The following RSPH10B2 variants were observed in gnomAD, a reference collection of about 807,000 sequenced individuals.
The protein encoded by RSPH10B2 is radial spoke head 10 homolog B2 (Chlamydomonas).
A neutral mutation model predicts 49.0 loss-of-function variants in RSPH10B2; 9 were observed. That is an observed-to-expected ratio of 0.18 (90% confidence interval 0.11 to 0.32). The LOEUF (loss-of-function observed/expected upper bound fraction) is 0.32, where lower values mean the gene tolerates loss of function less well. Among genes scored for constraint, RSPH10B2 ranks in the 10% least tolerant of loss-of-function variants. RSPH10B2 has a pLI of 1.00. For synonymous variants in RSPH10B2, 35 were observed against 210.2 expected (o/e 0.17, Z 7.21); for missense variants, 95 against 589.9 (o/e 0.16, Z 8.69).
At chr7:6,769,634 G>T (rs1583506763) in intron 7 of RSPH10B2, among the ~76,000 whole-genome samples, 1 of 114,734 alleles carries the variant, frequency 8.7e-6, no homozygotes, top group African/African-American at 3.8e-5. Flanking sequence ...TGTTGCCCAG[G>T]CTGGAGTGCA....
At chr7:6,779,539 G>A in intron 10 of RSPH10B2, 71 bp from the exon 13 acceptor site, 1 of 214,066 alleles carries the variant, frequency 4.7e-6, no homozygotes, top group Non-Finnish European at 8.0e-6. Flanking sequence ...TCTTCGAATT[G>A]TATACCAGGC....
chr7:6,797,001 C>A, intron 18 of RSPH10B2: 1 of 365,132 alleles, frequency 2.7e-6, no homozygotes, highest in Non-Finnish European at 4.5e-6. Context: ...AATATTTGGT[C>A]TTAGTTTCTA....
chr7:6,781,146 G>A (rs1370559175), intron 12 of RSPH10B2, among the ~76,000 whole-genome samples, 182 bp from the exon 15 acceptor site: 1 of 114,966 alleles, frequency 8.7e-6, no homozygotes, highest in South Asian at 4.0e-4. Context: ...GCTGAGGCAG[G>A]AGAATCGCTT....
intron 15 of RSPH10B2, 77 bp downstream of exon 17, chr7:6,787,098 G>A (rs1583528467): frequency 9.8e-7 from 1 of 1,025,452 alleles, no homozygotes; most frequent in South Asian, 1.7e-5. Context: ...GCTCACGCCT[G>A]TAATCCCAGC....
chr7:6,796,967 G>A, intron 18 of RSPH10B2: 6 of 395,478 alleles, frequency 1.5e-5, no homozygotes, highest in Non-Finnish European at 1.3e-5. Flanking sequence ...TGAGTAATGG[G>A]ATAATGGGAG....
intron 13 of RSPH10B2, 167 bp downstream of exon 15, chr7:6,781,643 G>C (rs1173052140): frequency 1.2e-6 from 1 of 834,584 alleles, no homozygotes; most frequent in African/African-American, 2.2e-5. Flanking sequence ...ACAGTGGTCT[G>C]TGGTCGTGGA....
intron 3 of RSPH10B2, among the ~76,000 whole-genome samples, chr7:6,763,428 G>C (rs1213109162): frequency 8.7e-6 from 1 of 115,358 alleles, no homozygotes; most frequent in African/African-American, 3.5e-5. Context: ...GACAGAGTGA[G>C]ACTCTGTCTC....
At chr7:6,797,442 C>T (rs764601842) in intron 18 of RSPH10B2, among the ~76,000 whole-genome samples, 260 of 152,234 alleles carry the variant, frequency 1.7e-3, no homozygotes, top group Non-Finnish European at 3.2e-3. Flanking sequence ...AAACCAACCA[C>T]GAGATTAGAA....
At chr7:6,771,850 T>TA (rs1398424183) in intron 8 of RSPH10B2, among the ~76,000 whole-genome samples, 159 bp downstream of exon 10, 22 of 97,128 alleles carry the variant, frequency 2.3e-4, no homozygotes, top group African/African-American at 5.4e-4. Context: ...CAATTAAAAA[T>TA]AAAAAAAAAT....
chr7:6,781,376 T>C, exon 13 of RSPH10B2: 1 of 1,287,722 alleles, frequency 7.8e-7, no homozygotes, highest in Non-Finnish European at 1.0e-6. Context: ...ATGAGTTACA[T>C]GAATAAGTGC....
rs1161579375 is a variant in RSPH10B2, at chr7:6,764,380, A to G, written c.573+279A>G. 1.7e-4 allele frequency among the ~76,000 whole-genome samples: 25 copies of G among 149,550 alleles called. 1 individual carries two copies. The East Asian group carries it at 5.1e-3, about 31-fold the overall frequency. On this transcript the variant is annotated intron_variant, in intron 4 of 18. Coordinates refer to ENST00000297186, the Ensembl canonical transcript of RSPH10B2. The stretch of plus-strand genomic sequence containing the variant: ...CATTTTATTAATTTTTTTTTTTTTG[A>G]GATGGAGTCTTGCTCTGTCGCCCAG...
exon 12 of RSPH10B2, chr7:6,780,833 G>C (rs772483823): frequency 1.3e-6 from 2 of 1,499,624 alleles, no homozygotes; most frequent in South Asian, 2.7e-5. Flanking sequence ...CCCTCTTCTT[G>C]TGTTTTACAA....
intron 17 of RSPH10B2, among the ~76,000 whole-genome samples, chr7:6,793,480 G>A (rs1472189204): frequency 4.3e-5 from 5 of 115,456 alleles, no homozygotes; most frequent in Admixed American, 2.9e-4. Context: ...AGTGCCTGTC[G>A]TTTCCCGTTA....
At chr7:6,758,872 C>CA (rs1183601786) in intron 1 of RSPH10B2, among the ~76,000 whole-genome samples, 1 of 136,606 alleles carries the variant, frequency 7.3e-6, no homozygotes, top group African/African-American at 2.7e-5. Context: ...AAAAAACAAA[C>CA]AAAAAAACCC....
At chr7:6,797,626 C>T (rs1468467267) in intron 18 of RSPH10B2, among the ~76,000 whole-genome samples, 3 of 152,406 alleles carry the variant, frequency 2.0e-5, no homozygotes, top group South Asian at 2.1e-4. Context: ...TTTGGGGGGC[C>T]AAGGCAGGAG....
chr7:6,781,461 C>A (rs760342536), exon 13 of RSPH10B2: 1 of 1,260,010 alleles, frequency 7.9e-7, no homozygotes, highest in Admixed American at 3.1e-5. Flanking sequence ...TGAGACACTT[C>A]CTCTGGATGC....
upstream of RSPH10B2, chr7:6,754,373 CCTT>C (rs1283549433): frequency 6.8e-6 from 1 of 146,070 alleles, no homozygotes; most frequent in Non-Finnish European, 1.5e-5. Flanking sequence ...GATGGCCTCT[CCTT>C]AAGCCCAGGA....
chr7:6,785,101 GT>G (rs1782095702), intron 13 of RSPH10B2, among the ~76,000 whole-genome samples: 1 of 110,822 alleles, frequency 9.0e-6, no homozygotes, highest in Non-Finnish European at 1.9e-5. Flanking sequence ...ATACTCTGCT[GT>G]TATTTTGGAG....
intron 14 of RSPH10B2, among the ~76,000 whole-genome samples, chr7:6,786,343 C>T (rs954638691): frequency 6.9e-5 from 8 of 115,562 alleles, no homozygotes; most frequent in Admixed American, 1.9e-4. Flanking sequence ...CCACCACGCC[C>T]GGCTAATTTT....
Sources: gnomAD v4.1 joint callset for allele counts (sites outside exome capture counted in the v4.1 genomes callset) on GRCh38, gnomAD v4.1.1 for gene constraint, MANE v1.5 for transcripts, NCBI Gene and HGNC (gene_info 2026-07-23, HGNC 2026-07-21) for gene names.